Variants in ZNF320 observed in about 807,000 individuals in gnomAD.
The protein encoded by ZNF320 is zinc finger protein 320.
ZNF320 carries 2 observed loss-of-function variants against 6.8 expected under a neutral mutation model. The observed-to-expected ratio is 0.29, with a 90% CI of 0.12 to 0.93. ZNF320 has a LOEUF of 0.93. Ranked by LOEUF, ZNF320 falls within the 40% of genes least tolerant of loss-of-function variation. The pLI is 0.55. For missense variants in ZNF320, 472 were observed against 611.0 expected (o/e 0.77, Z 2.40); for synonymous variants, 208 against 203.2 (o/e 1.02, Z -0.20).
At chr19:52,865,927 G>GATTATACACATATATTTATAT in intron 5 of ZNF320, among the ~76,000 whole-genome samples, 1 of 76,648 alleles carries the variant, frequency 1.3e-5, no homozygotes, top group Non-Finnish European at 2.6e-5. Flanking sequence ...ATTTATATAT[G>GATTATACACATATATTTATAT]ATTATACACA....
Position 52,878,477 on chromosome 19 carries a change from C to G in ZNF320, c.*2119G>C, listed in dbSNP as rs925132108. 2 of 152,226 alleles carry G rather than the reference C, an allele frequency of 1.3e-5. No individual in the cohort carries two copies. The highest frequency in any genetic ancestry group is 2.4e-5 in the African/African-American group (1 of 41,392). The allele number at this position is 152,226 out of a possible 1,614,324, so 9.4% of individuals were successfully genotyped here. On this transcript the variant is annotated 3_prime_UTR_variant, in exon 6 of 6. Transcript: ENST00000682928. ...TGTTAGCCAGGATTTTCTCGATCTC[C>G]TGACCTCGTGATGCTCTTGCCTCGG...
At position 52,881,306 on chromosome 19, in the gene ZNF320, T is replaced by C. The variant is rs1360887087; in HGVS notation, c.820A>G (p.Lys274Glu). 1 of 1,614,080 alleles carries C rather than the reference T, an allele frequency of 6.2e-7. No homozygotes were observed. The highest frequency in any genetic ancestry group is 1.3e-5 in the African/African-American group (1 of 74,922). The change falls in exon 6 of 6, where the codon AAA becomes GAA. Residue 274 changes from lysine to glutamate, a missense_variant. Lys to Glu is a moderately conservative substitution (Grantham distance 56). Transcript: ENST00000682928. Reference sequence around the variant, plus strand: ...AAGGTCTTGCCACACTCATTACATTTGTAAGGTTTCTCTCCAGTATGCAGT... The same window carrying C: ...AAGGTCTTGCCACACTCATTACATTCGTAAGGTTTCTCTCCAGTATGCAGT... The part of the protein sequence containing the change: ...HRLHTGEKPY[K>E]CNECGKTFAR...
chr19:52,867,891 C>T (rs1175769068), intron 5 of ZNF320, among the ~76,000 whole-genome samples: 1 of 152,136 alleles, frequency 6.6e-6, no homozygotes, highest in African/African-American at 2.4e-5. Context: ...GGATTACAGG[C>T]TTGAGCCACC....
exon 6 of ZNF320, among the ~76,000 whole-genome samples, chr19:52,861,542 C>G (rs1003697933): frequency 6.6e-6 from 1 of 152,144 alleles, no homozygotes; most frequent in Admixed American, 6.5e-5. Context: ...AGGCTGATCT[C>G]AAACTCCTGA....
chr19:52,891,714 C>T (rs1341252033), intron 2 of ZNF320, among the ~76,000 whole-genome samples: 3 of 152,192 alleles, frequency 2.0e-5, no homozygotes, highest in Admixed American at 6.5e-5. Context: ...GGCTTTTGTC[C>T]TGGGGAACAC....
At chr19:52,890,018 T>C (rs1302161581) in intron 4 of ZNF320, among the ~76,000 whole-genome samples, 1 of 151,938 alleles carries the variant, frequency 6.6e-6, no homozygotes, top group Admixed American at 6.6e-5. Context: ...TGGGTGTGAG[T>C]CCTTCCCAGG....
chr19:52,869,683 C>T (rs2063644638), intron 5 of ZNF320, among the ~76,000 whole-genome samples: 2 of 151,796 alleles, frequency 1.3e-5, no homozygotes, highest in Admixed American at 6.6e-5. Flanking sequence ...ATAACAGGTG[C>T]CTGCCACCGG....
At chr19:52,861,902 C>T in exon 6 of ZNF320, 1 of 353,546 alleles carries the variant, frequency 2.8e-6, no homozygotes, top group Non-Finnish European at 5.7e-6. Context: ...GAAGTAAAGA[C>T]TTTGCCATAA....
the ZNF320 span, among the ~76,000 whole-genome samples, chr19:52,903,131 CA>C: frequency 6.6e-6 from 1 of 152,134 alleles, no homozygotes; most frequent in Non-Finnish European, 1.5e-5. Flanking sequence ...TTAAATTATA[CA>C]TTTTTTGCAT....
At chr19:52,866,470 C>T (rs1297953584) in intron 5 of ZNF320, among the ~76,000 whole-genome samples, 1 of 151,946 alleles carries the variant, frequency 6.6e-6, no homozygotes, top group Non-Finnish European at 1.5e-5. Flanking sequence ...ACTCACACGT[C>T]TTCATTCAGA....
chr19:52,882,548 T>C (rs746076524), intron 5 of ZNF320, among the ~76,000 whole-genome samples: 2 of 152,126 alleles, frequency 1.3e-5, no homozygotes, highest in Non-Finnish European at 2.9e-5. Context: ...TCAGGAGGCT[T>C]AGGCACAAGA....
Position 52,878,490 on chromosome 19 carries a change from G to C in ZNF320, c.*2106C>G, listed in dbSNP as rs188872871. On this transcript the variant is annotated 3_prime_UTR_variant, in exon 6 of 6. Transcript: ENST00000682928. ...TTTCTCGATCTCCTGACCTCGTGAT[G>C]CTCTTGCCTCGGCCTCCCAAAGTGC... 6.6e-6 allele frequency: 1 copy of C among 152,202 alleles called. No homozygotes were observed. Among genetic ancestry groups the C allele is most frequent in the African/African-American group, 2.4e-5 (1 of 41,470 alleles). 9.4% of individuals were successfully genotyped at this position (152,202 alleles called of 1,614,324 possible).
intron 5 of ZNF320, chr19:52,865,296 T>G (rs2063522679): frequency 4.1e-6 from 1 of 245,352 alleles, no homozygotes; most frequent in African/African-American, 2.4e-5. Context: ...GACTCCAGAC[T>G]GGGTGAGAAG....
At position 52,881,893 on chromosome 19, in the gene ZNF320, G is replaced by A. The variant is rs187983315; in HGVS notation, c.233C>T (p.Ala78Val). The change falls in exon 6 of 6, where the codon GCA (alanine) becomes GTA (valine). Residue 78 changes from alanine to valine, a missense_variant. Physicochemically the swap from Ala to Val is moderately conservative, Grantham distance 64. This residue lies in a region of ZNF320 where 462 missense variants were observed against 559.7 expected (regional missense o/e 0.83). Transcript: ENST00000682928. ...GCAAAATGCTCCAATGTGATAACTT[G>A]CTTGTCTCTGCAATGTCCCTGTGTG... ...VIHTGTLQRQ[A>V]SYHIGAFCSQ... is the part of the protein sequence containing the mutation. 208 of 1,613,596 alleles carry A rather than the reference G, an allele frequency of 1.3e-4. No homozygotes were observed. In the East Asian group the frequency reaches 3.5e-3, roughly 27 times the overall value.
upstream of ZNF320, among the ~76,000 whole-genome samples, chr19:52,899,037 T>C (rs1176861265): frequency 6.6e-6 from 1 of 152,228 alleles, no homozygotes; most frequent in East Asian, 1.9e-4. Flanking sequence ...TTAGTGGGAG[T>C]TCTTACTCTT....
intron 3 of ZNF320, among the ~76,000 whole-genome samples, chr19:52,890,734 T>C (rs769037060): frequency 6.6e-6 from 1 of 152,018 alleles, no homozygotes; most frequent in African/African-American, 2.4e-5. Flanking sequence ...TAGGAAGGTA[T>C]GGTGGTGCAC....
chr19:52,885,594 T>C (rs1028012310), intron 5 of ZNF320, among the ~76,000 whole-genome samples: 2 of 152,052 alleles, frequency 1.3e-5, no homozygotes, highest in African/African-American at 2.4e-5. Context: ...CCAGCACCTG[T>C]AGTCCCAGCT....
exon 6 of ZNF320, chr19:52,863,813 T>G: frequency 4.8e-6 from 1 of 208,388 alleles, no homozygotes; most frequent in Non-Finnish European, 9.7e-6. Context: ...CGGGTGGGTA[T>G]GGAGGTCAGG....
rs1185845047 is a variant in ZNF320 at position 52,879,589 on chromosome 19, A to G, written c.*1007T>C. 6.6e-6 allele frequency: 1 copy of G among 152,324 alleles called. No homozygotes were observed. The highest frequency in any genetic ancestry group is 1.5e-5 in the Non-Finnish European group (1 of 68,068). The allele number at this position is 152,324 out of a possible 1,614,324, so 9.4% of individuals were successfully genotyped here. A position where few individuals can be genotyped will look rare whatever the true frequency, so the allele number is the denominator to read the frequency against. On this transcript the variant is annotated 3_prime_UTR_variant, in exon 6 of 6. Coordinates refer to ENST00000682928, the MANE Select transcript of ZNF320 (RefSeq NM_001351774.2). ...CTATTCAATCAATACTGGCTGTCCT[A>G]GCTAGAGCAATGAAATAGCAAAAGA... is the stretch of plus-strand genomic sequence containing the variant.
Sources: allele counts gnomAD v4.1 joint callset (sites outside exome capture counted in the v4.1 genomes callset), GRCh38; gene constraint gnomAD v4.1.1; regional missense constraint gnomAD v4.1.1; transcripts MANE v1.5; gene names NCBI Gene and HGNC (gene_info 2026-07-23, HGNC 2026-07-21).